VWA3B: variants seen among roughly 807,000 people sequenced by gnomAD.
The protein encoded by VWA3B is von Willebrand factor A domain-containing protein 3B.
A neutral mutation model predicts 158.3 loss-of-function variants in VWA3B; 138 were observed. That is an observed-to-expected ratio of 0.87 (90% CI 0.76 to 1.00). The LOEUF (loss-of-function observed/expected upper bound fraction) is 1.00. VWA3B is among the 50% of genes least tolerant of loss of function. The pLI, the probability that VWA3B is intolerant of heterozygous loss-of-function variation, is 0.00. For missense variants in VWA3B, 1,555 were observed against 1,565.1 expected, an observed-to-expected ratio of 0.99 and a Z score of 0.11; for synonymous variants, 596 against 587.3, an observed-to-expected ratio of 1.01 and a Z score of -0.21.
downstream of VWA3B, among the ~76,000 whole-genome samples, chr2:98,316,413 C>A (rs910278206): frequency 1.3e-5 from 2 of 152,074 alleles, no homozygotes; most frequent in African/African-American, 4.8e-5. Context: ...GAGGCCAAAA[C>A]TGGTGGATCA....
intron 8 of VWA3B, among the ~76,000 whole-genome samples, chr2:98,168,286 G>A (rs1213555362): frequency 3.9e-5 from 6 of 151,952 alleles, no homozygotes; most frequent in Admixed American, 6.6e-5. Context: ...GGTCTTGGAT[G>A]TTATTCCTAA....
intron 2 of VWA3B, among the ~76,000 whole-genome samples, chr2:98,100,960 G>A (rs918137454): frequency 1.3e-5 from 2 of 152,122 alleles, no homozygotes; most frequent in African/African-American, 4.8e-5. Context: ...ACAATCACTG[G>A]AAAGTCCTGT....
At chr2:98,232,529 G>C (rs1685408112) in intron 16 of VWA3B, among the ~76,000 whole-genome samples, 1 of 151,992 alleles carries the variant, frequency 6.6e-6, no homozygotes, top group African/African-American at 2.4e-5. Context: ...TTGGCATCAT[G>C]CATTTGCTTT....
chr2:98,261,502 T>A (rs986054755), intron 21 of VWA3B, among the ~76,000 whole-genome samples: 1 of 151,814 alleles, frequency 6.6e-6, no homozygotes, highest in Admixed American at 6.6e-5. Flanking sequence ...TAGTACTATT[T>A]ATTTCTTCAT....
At chr2:98,291,357 G>A (rs1405254627) in intron 23 of VWA3B, 1 of 152,208 alleles carries the variant, frequency 6.6e-6, no homozygotes, top group African/African-American at 2.4e-5. Context: ...AGGGGTGGAG[G>A]TATGAAGGGA....
At chr2:98,141,844 T>G (rs1470944666) in intron 7 of VWA3B, among the ~76,000 whole-genome samples, 1 of 152,172 alleles carries the variant, frequency 6.6e-6, no homozygotes, top group South Asian at 2.1e-4. Context: ...TTAGTCATGG[T>G]CTTAGCTGTC....
rs1681281583 is a variant in VWA3B, at chr2:98,188,196, T to G, written c.1466+67T>G. On this transcript the variant is annotated intron_variant, in intron 10 of 27. Coordinates refer to ENST00000477737, the MANE Select transcript of VWA3B (RefSeq NM_144992.5). ...CTGGACATTCTCATCTGCTTGATCT[T>G]TTTTCCTCCCTTTTATTTTTAGTTG... The G allele has an allele frequency of 3.9e-6, 6 of 1,546,880 alleles. No homozygotes were observed. The East Asian group carries it at 1.4e-4, about 35-fold the overall frequency.
intron 3 of VWA3B, among the ~76,000 whole-genome samples, chr2:98,116,740 A>C (rs111469262): frequency 2.0e-5 from 3 of 152,152 alleles, no homozygotes; most frequent in African/African-American, 4.8e-5. Flanking sequence ...TCCTAAGCTC[A>C]AGCAATCCGC....
chr2:98,094,959 C>T (rs1409904537), intron 2 of VWA3B, among the ~76,000 whole-genome samples: 1 of 152,068 alleles, frequency 6.6e-6, no homozygotes, highest in Admixed American at 6.6e-5. Context: ...TTTTTTGGCT[C>T]TCTATTCTAT....
At position 98,278,959 on chromosome 2, in the gene VWA3B, T is replaced by C. The variant is rs574297798; in HGVS notation, c.3045+8076T>C. Among the ~76,000 whole-genome samples, 5 of 152,282 alleles carry C rather than the reference T, an allele frequency of 3.3e-5. No homozygotes were observed. The South Asian group carries it at 8.3e-4, about 25-fold the overall frequency. ...ATGTTACCATCACACAGAAGTGATG[T>C]GTGCACATTCAGACCATGCCGTCCT... On this transcript the variant is annotated intron_variant, in intron 22 of 27. Transcript: ENST00000477737.
In VWA3B at chr2:98,121,478, T is replaced by A; in HGVS notation, c.702+20T>A. 2 of 1,608,510 alleles carry A rather than the reference T, an allele frequency of 1.2e-6. No homozygotes were observed. Among genetic ancestry groups the A allele is most frequent in the Non-Finnish European group, 1.7e-6 (2 of 1,176,360 alleles). The stretch of plus-strand genomic sequence containing the variant: ...AAGACTGTAAGTGCGTGTTCATGGC[T>A]GGCCCCAGGCCATGGAGGTGGCTTC... On this transcript the variant is annotated intron_variant, in intron 5 of 27. Coordinates refer to ENST00000477737, the MANE Select transcript of VWA3B (RefSeq NM_144992.5).
At chr2:98,193,711 T>A (rs2105427999) in intron 11 of VWA3B, among the ~76,000 whole-genome samples, 1 of 152,040 alleles carries the variant, frequency 6.6e-6, no homozygotes, top group East Asian at 1.9e-4. Context: ...TTCTCCTGTC[T>A]CCCAAGTAGC....
chr2:98,140,918 C>CA (rs1341175518), intron 7 of VWA3B, among the ~76,000 whole-genome samples: 2 of 152,192 alleles, frequency 1.3e-5, no homozygotes, highest in African/African-American at 4.8e-5. Context: ...CTTGGGGTCT[C>CA]AGTTTCCCCT....
intron 13 of VWA3B, among the ~76,000 whole-genome samples, chr2:98,214,536 T>C (rs970672851): frequency 5.9e-5 from 9 of 152,196 alleles, no homozygotes; most frequent in African/African-American, 2.2e-4. Flanking sequence ...AACTAGTTTT[T>C]TTGTATCTCC....
At chr2:98,108,740 T>G (rs774926542) in intron 2 of VWA3B, among the ~76,000 whole-genome samples, 1 of 152,016 alleles carries the variant, frequency 6.6e-6, no homozygotes, top group Non-Finnish European at 1.5e-5. Flanking sequence ...TAATTATATT[T>G]GAAGCAAATT....
In VWA3B at chr2:98,270,875, C is replaced by T. The variant is rs745750371; in HGVS notation, c.3037C>T (p.Pro1013Ser). The part of the protein sequence containing the change: ...AAKKNYANKA[P>S]GEQQKLQGNP... ...CAAGAAGAATTATGCAAACAAGGCCCCGGGAGAGGTGGGTGCCCTGGAGGT... is the reference window on the plus strand; with the variant it reads ...CAAGAAGAATTATGCAAACAAGGCCTCGGGAGAGGTGGGTGCCCTGGAGGT... Residue 1013 changes from proline (P) to serine (S), a missense_variant, in exon 22 of 28, where the codon CCG becomes TCG. Physicochemically the swap from Pro to Ser is moderately conservative, Grantham distance 74 (BLOSUM62 -1). Coordinates refer to ENST00000477737, the MANE Select transcript of VWA3B (RefSeq NM_144992.5). 6.2e-7 allele frequency: 1 copy of T among 1,613,798 alleles called. No individual in the cohort carries two copies. The highest frequency in any genetic ancestry group is 2.2e-5 in the East Asian group (1 of 44,872).
At chr2:98,251,598 A>G (rs1472594545) in intron 20 of VWA3B, among the ~76,000 whole-genome samples, 1 of 152,166 alleles carries the variant, frequency 6.6e-6, no homozygotes, top group Non-Finnish European at 1.5e-5. Context: ...GGAACTGTGC[A>G]GTTGAGTTGT....
intron 9 of VWA3B, among the ~76,000 whole-genome samples, chr2:98,182,002 T>C (rs1219052206): frequency 2.0e-5 from 3 of 152,138 alleles, no homozygotes; most frequent in African/African-American, 4.8e-5. Context: ...CAATGTGAAA[T>C]AGAAATCAGG....
intron 23 of VWA3B, among the ~76,000 whole-genome samples, chr2:98,293,229 T>C (rs1034244339): frequency 6.6e-6 from 1 of 152,170 alleles, no homozygotes; most frequent in Non-Finnish European, 1.5e-5. Flanking sequence ...AGAAAGTACA[T>C]ACTATACTCC....
Sources: gnomAD v4.1 joint callset for allele counts (sites outside exome capture counted in the v4.1 genomes callset) on GRCh38, gnomAD v4.1.1 for gene constraint, MANE v1.5 for transcripts, NCBI Gene and HGNC (gene_info 2026-07-23, HGNC 2026-07-21) for gene names.